Variants in CACNA1S observed in about 807,000 individuals in gnomAD.
The protein encoded by CACNA1S is voltage-dependent L-type calcium channel subunit alpha-1S.
In CACNA1S, 126 loss-of-function variants were observed where a neutral mutation model predicts 207.4. The ratio of observed to expected loss-of-function variants is 0.61; its 90% CI spans 0.53 to 0.70. The LOEUF is 0.70. Ranked by LOEUF, CACNA1S falls within the 30% of genes least tolerant of loss-of-function variation. The pLI, the probability that CACNA1S is intolerant of heterozygous loss-of-function variation, is 0.00. For synonymous variants in CACNA1S, 960 were observed against 932.7 expected (o/e 1.03, Z -0.53); for missense variants, 2,349 against 2,422.8 (o/e 0.97, Z 0.64).
intron 2 of CACNA1S, among the ~76,000 whole-genome samples, chr1:201,104,959 C>T (rs1662822386): frequency 6.6e-6 from 1 of 152,252 alleles, no homozygotes; most frequent in Admixed American, 6.5e-5. Context: ...GTACCTGCCT[C>T]ATGGGCATTC....
chr1:201,110,591 G>T (rs528920418), intron 1 of CACNA1S, among the ~76,000 whole-genome samples: 2 of 152,352 alleles, frequency 1.3e-5, no homozygotes, highest in African/African-American at 4.8e-5. Flanking sequence ...CACTCTCAGC[G>T]CCTGTCCATG....
At chr1:201,085,813 C>T (rs1241613355) in intron 7 of CACNA1S, among the ~76,000 whole-genome samples, 1 of 152,114 alleles carries the variant, frequency 6.6e-6, no homozygotes, top group Non-Finnish European at 1.5e-5. Flanking sequence ...CTCCTTGCCC[C>T]TTCCTCATTT....
Position 201,060,810 on chromosome 1 carries a change from A to G in CACNA1S, c.3262T>C (p.Cys1088Arg), listed in dbSNP as rs1661020544. The G allele has an allele frequency of 6.2e-7, 1 of 1,614,200 alleles. No individual in the cohort carries two copies. The highest frequency in any genetic ancestry group is 8.5e-7 in the Non-Finnish European group (1 of 1,180,046). ...CGGGCCTTCAGGGCATACTGTACAC[A>G]TTGGCGCTGTGACACATACAACAGG... ...NCELDKNQRQ[C>R]VQYALKARPL... The change falls in exon 26 of 44, where the codon TGT (cysteine) becomes CGT (arginine). Residue 1088 changes from cysteine to arginine, a missense_variant. Cys to Arg is a radical substitution (Grantham distance 180). Coordinates refer to ENST00000362061, the MANE Select transcript of CACNA1S (RefSeq NM_000069.3).
In CACNA1S at chr1:201,050,415, G is replaced by C. The variant is rs769755092; in HGVS notation, c.4215C>G (p.Ile1405Met). ...GPHHLDEFKAIWAEYDPEAKG... is the reference protein window; with the variant it reads ...GPHHLDEFKAMWAEYDPEAKG... ...TAGCCTCTGGGTCATACTCTGCCCAGATGGCCTTGAACTCATCCAGGTGAT... is the reference window on the plus strand; with the variant it reads ...TAGCCTCTGGGTCATACTCTGCCCACATGGCCTTGAACTCATCCAGGTGAT... Residue 1405 changes from isoleucine to methionine, a missense_variant, in exon 34 of 44, where the codon ATC becomes ATG. By Grantham distance (10) the Ile-to-Met change is conservative (BLOSUM62 1). Transcript: ENST00000362061. The C allele has an allele frequency of 2.5e-6, 4 of 1,614,108 alleles. No individual in the cohort carries two copies. The highest frequency in any genetic ancestry group is 2.5e-6 in the Non-Finnish European group (3 of 1,180,010).
chr1:201,111,879 A>C (rs1397226448), intron 1 of CACNA1S, among the ~76,000 whole-genome samples: 1 of 127,350 alleles, frequency 7.9e-6, no homozygotes, highest in Non-Finnish European at 1.6e-5. Flanking sequence ...TGGCCCACTC[A>C]GGCCCAGGAA....
At chr1:201,047,370 A>T in intron 37 of CACNA1S, 131 bp from the exon 38 acceptor site, 2 of 1,367,494 alleles carry the variant, frequency 1.5e-6, no homozygotes, top group East Asian at 4.8e-5. Flanking sequence ...GTCACTGGGC[A>T]CTTTCCATCC....
At chr1:201,105,727 G>A (rs1047391846) in intron 2 of CACNA1S, among the ~76,000 whole-genome samples, 12 of 152,136 alleles carry the variant, frequency 7.9e-5, no homozygotes, top group Non-Finnish European at 1.5e-5. Context: ...CAGACACAGA[G>A]CAGGCAGAGT....
chr1:201,094,843 C>A (rs558479967), intron 2 of CACNA1S, among the ~76,000 whole-genome samples: 2 of 152,276 alleles, frequency 1.3e-5, no homozygotes, highest in African/African-American at 4.8e-5. Context: ...ACTCCAGGAC[C>A]TGTCCCCGTA....
At chr1:201,045,400 G>T (rs911974056) in intron 38 of CACNA1S, among the ~76,000 whole-genome samples, 2 of 152,096 alleles carry the variant, frequency 1.3e-5, no homozygotes, top group Admixed American at 1.3e-4. Flanking sequence ...CATTTACTGG[G>T]ACAGCAAATG....
intron 38 of CACNA1S, among the ~76,000 whole-genome samples, chr1:201,045,778 GA>G (rs1216541629): frequency 6.8e-6 from 1 of 146,298 alleles, no homozygotes; most frequent in East Asian, 2.0e-4. Flanking sequence ...TTAATTTCCT[GA>G]TTTTGTGGTT....
At position 201,039,737 on chromosome 1, in the gene CACNA1S, G is replaced by C; in HGVS notation, c.*94C>G. ...CATCTAGCTGCTGAGAGGGAGGGAG[G>C]CTGCTGCGGTGGGCTAGCCCTTCTC... On this transcript the variant is annotated 3_prime_UTR_variant, in exon 44 of 44. Coordinates refer to ENST00000362061, the MANE Select transcript of CACNA1S (RefSeq NM_000069.3). 1 of 1,540,980 alleles carries C rather than the reference G, an allele frequency of 6.5e-7. No homozygotes were observed.
At chr1:201,105,439 G>A (rs1002991046) in intron 2 of CACNA1S, among the ~76,000 whole-genome samples, 6 of 152,294 alleles carry the variant, frequency 3.9e-5, no homozygotes, top group Admixed American at 3.3e-4. Flanking sequence ...GAACAGAAAG[G>A]TTACATAACT....
chr1:201,047,031 C>A, intron 38 of CACNA1S, 84 bp downstream of exon 38: 1 of 1,564,468 alleles, frequency 6.4e-7, no homozygotes, highest in Non-Finnish European at 8.8e-7. Context: ...ATCATTGGCC[C>A]CTCAAGGACA....
At chr1:201,060,963 CTGT>C in intron 25 of CACNA1S, 147 bp from the exon 26 acceptor site, 1 of 1,035,708 alleles carries the variant, frequency 9.7e-7, no homozygotes, top group Non-Finnish European at 1.5e-6. Flanking sequence ...GGGAATAATC[CTGT>C]TGGGCTTTGG....
At chr1:201,087,710 C>G (rs1464868433) in intron 7 of CACNA1S, 116 bp downstream of exon 7, 2 of 736,958 alleles carry the variant, frequency 2.7e-6, no homozygotes, top group Non-Finnish European at 4.8e-6. Flanking sequence ...TCTCCTCCTC[C>G]TCTCCACTCG....
intron 28 of CACNA1S, 112 bp from the exon 29 acceptor site, chr1:201,054,673 A>G: frequency 1.5e-6 from 1 of 660,756 alleles, no homozygotes; most frequent in Non-Finnish European, 2.5e-6. Flanking sequence ...GAAGAGTTAA[A>G]GAGAAAAAGA....
chr1:201,046,124 A>G (rs1218417549), intron 38 of CACNA1S, among the ~76,000 whole-genome samples: 1 of 151,998 alleles, frequency 6.6e-6, no homozygotes, highest in Non-Finnish European at 1.5e-5. Context: ...AAAAAGTTCT[A>G]AAGTTTTCTT....
At chr1:201,085,054 C>A in intron 8 of CACNA1S, 23 bp from the exon 9 acceptor site, 1 of 1,591,794 alleles carries the variant, frequency 6.3e-7, no homozygotes, top group South Asian at 1.1e-5. Context: ...GAGAAAGAGT[C>A]AGCCAGCCTT....
At chr1:201,041,154 T>C (rs1660172779) in intron 41 of CACNA1S, among the ~76,000 whole-genome samples, 2 of 152,118 alleles carry the variant, frequency 1.3e-5, no homozygotes, top group African/African-American at 2.4e-5. Flanking sequence ...AAGACGTCAG[T>C]GTGTCCAGGG....
Sources: gnomAD v4.1 joint callset for allele counts (sites outside exome capture counted in the v4.1 genomes callset) on GRCh38, gnomAD v4.1.1 for gene constraint, MANE v1.5 for transcripts, NCBI Gene and HGNC (gene_info 2026-07-23, HGNC 2026-07-21) for gene names.